Variants in CFAP300 observed in about 807,000 individuals in gnomAD.
CFAP300 encodes cilia- and flagella-associated protein 300.
In CFAP300, 32 loss-of-function variants were observed where a neutral mutation model predicts 33.0. That is an observed-to-expected ratio of 0.97 (90% CI 0.73 to 1.30). The LOEUF (loss-of-function observed/expected upper bound fraction) is 1.30, where lower values mean the gene tolerates loss of function less well. Ranked by LOEUF, CFAP300 falls within the 50% of genes most tolerant of loss-of-function variation. The pLI, the probability that CFAP300 is intolerant of heterozygous loss-of-function variation, is 0.00. For synonymous variants in CFAP300, 102 were observed against 106.8 expected (o/e 0.95, Z 0.28); for missense variants, 356 against 318.1 (o/e 1.12, Z -0.90).
At chr11:102,061,757 A>G (rs557949208) in intron 3 of CFAP300, among the ~76,000 whole-genome samples, 2 of 152,344 alleles carry the variant, frequency 1.3e-5, no homozygotes, top group East Asian at 3.9e-4. Flanking sequence ...TGCCTCTGTC[A>G]CTTCCACGTT....
chr11:102,063,452 A>T (rs921225173), intron 3 of CFAP300, among the ~76,000 whole-genome samples: 1 of 152,190 alleles, frequency 6.6e-6, no homozygotes, highest in African/African-American at 2.4e-5. Context: ...CTTAGCATGA[A>T]TCATACCTCA....
intron 4 of CFAP300, among the ~76,000 whole-genome samples, chr11:102,067,907 T>TA (rs1263283541): frequency 1.3e-5 from 2 of 152,114 alleles, no homozygotes; most frequent in Non-Finnish European, 2.9e-5. Context: ...ACCTTGTCTC[T>TA]AAAAAACAGA....
chr11:102,081,736 CA>C (rs1277912473), intron 6 of CFAP300, among the ~76,000 whole-genome samples: 2 of 151,914 alleles, frequency 1.3e-5, no homozygotes, highest in Non-Finnish European at 2.9e-5. Context: ...ACTAAAAATA[CA>C]AAAAATTAGC....
In CFAP300 at chr11:102,047,967, T is replaced by C. The variant is rs957526118; in HGVS notation, c.192+71T>C. 3.4e-6 allele frequency: 5 copies of C among 1,466,108 alleles called. No individual in the cohort carries two copies. The African/African-American group carries it at 7.0e-5, about 21-fold the overall frequency. The allele number at this position is 1,466,108 out of a possible 1,614,324, so 90.8% of individuals were successfully genotyped here. ...AAACTTCCCCCCAAGTTGGCATAGATTCTTGTGAACACGCTATTCCTTACT... is the reference window on the plus strand; with the variant it reads ...AAACTTCCCCCCAAGTTGGCATAGACTCTTGTGAACACGCTATTCCTTACT... On this transcript the variant is annotated intron_variant, in intron 2 of 6. Coordinates refer to ENST00000434758, the MANE Select transcript of CFAP300 (RefSeq NM_032930.3).
At chr11:102,067,061 T>A (rs1373013923) in intron 4 of CFAP300, among the ~76,000 whole-genome samples, 1 of 152,186 alleles carries the variant, frequency 6.6e-6, no homozygotes, top group Non-Finnish European at 1.5e-5. Flanking sequence ...ATCCCGGAGC[T>A]GGGCACAGTA....
chr11:102,052,399 G>A (rs960782939), intron 2 of CFAP300, among the ~76,000 whole-genome samples: 1 of 152,016 alleles, frequency 6.6e-6, no homozygotes, highest in Non-Finnish European at 1.5e-5. Context: ...AAATACTCGC[G>A]TGAATATTCT....
At position 102,083,176 on chromosome 11, in the gene CFAP300, T is replaced by C. The variant is rs774466904; in HGVS notation, c.781T>C (p.Tyr261His). The change falls in exon 7 of 7, where the codon TAT (tyrosine) becomes CAT (histidine). Residue 261 changes from tyrosine to histidine, a missense_variant. Physicochemically the swap from Tyr to His is moderately conservative, Grantham distance 83 (BLOSUM62 2). Coordinates refer to ENST00000434758, the MANE Select transcript of CFAP300 (RefSeq NM_032930.3). ...TCACCTTCATGTTTTATACCACTGT[T>C]ATGGTGTGGGAGACATGTCTTAATG... ...RRHLHVLYHCYGVGDMS is the reference protein window; with the variant it reads ...RRHLHVLYHCHGVGDMS The C allele has an allele frequency of 2.0e-6, 3 of 1,537,540 alleles. No homozygotes were observed. The highest frequency in any genetic ancestry group is 4.7e-5 in the East Asian group (2 of 42,262).
intron 5 of CFAP300, among the ~76,000 whole-genome samples, chr11:102,077,811 G>C (rs774783200): frequency 4.6e-5 from 7 of 152,240 alleles, no homozygotes; most frequent in Non-Finnish European, 7.3e-5. Context: ...CTGACCTCGG[G>C]TGATCTGCCC....
chr11:102,075,509 G>A (rs1313278713), intron 4 of CFAP300, among the ~76,000 whole-genome samples: 1 of 152,192 alleles, frequency 6.6e-6, no homozygotes, highest in Non-Finnish European at 1.5e-5. Context: ...CAAGACGGAG[G>A]CCTTATGGGA....
rs549559265 is a variant in CFAP300 at position 102,075,959 on chromosome 11, T to G, written c.522T>G (p.Leu174=). 3 of 1,613,984 alleles carry G rather than the reference T, an allele frequency of 1.9e-6. 1 individual carries two copies. The South Asian group carries it at 3.3e-5, about 18-fold the overall frequency. Reference sequence around the variant, plus strand: ...TCCTGTTTTGTCTTTTCAAACATCTTTGCCTTGGTGGAGCCCTTTGTCAAT... The same window carrying G: ...TCCTGTTTTGTCTTTTCAAACATCTGTGCCTTGGTGGAGCCCTTTGTCAAT... ...EEFLFCLFKH[L]CLGGALCQYE... is the part of the protein sequence containing the mutation. Residue 174 remains leucine (L), a synonymous_variant, in exon 5 of 7, where the codon CTT becomes CTG. Coordinates refer to ENST00000434758, the MANE Select transcript of CFAP300 (RefSeq NM_032930.3).
chr11:102,054,699 A>G (rs1942023275), intron 2 of CFAP300, among the ~76,000 whole-genome samples: 1 of 137,148 alleles, frequency 7.3e-6, no homozygotes, highest in South Asian at 2.4e-4. Flanking sequence ...ATTGCACTCC[A>G]GCCTGAATGA....
intron 6 of CFAP300, among the ~76,000 whole-genome samples, chr11:102,081,624 G>A (rs1054769476): frequency 7.9e-5 from 12 of 152,164 alleles, no homozygotes; most frequent in African/African-American, 2.9e-4. Flanking sequence ...CGCCGGGCCC[G>A]GTGGCTCACG....
At chr11:102,051,835 T>C (rs761604368) in intron 2 of CFAP300, among the ~76,000 whole-genome samples, 9 of 152,152 alleles carry the variant, frequency 5.9e-5, no homozygotes, top group South Asian at 4.1e-4. Flanking sequence ...AGGTGTGAGT[T>C]ATCACACCCA....
intron 2 of CFAP300, among the ~76,000 whole-genome samples, chr11:102,055,312 C>G (rs1020760036): frequency 6.7e-6 from 1 of 150,172 alleles, no homozygotes; most frequent in Non-Finnish European, 1.5e-5. Flanking sequence ...TTTCTTTATG[C>G]TCATATAAAT....
intron 4 of CFAP300, among the ~76,000 whole-genome samples, chr11:102,067,673 T>C (rs1166453068): frequency 6.6e-6 from 1 of 152,170 alleles, no homozygotes; most frequent in Non-Finnish European, 1.5e-5. Context: ...TACATGTACC[T>C]TTTAGAAATA....
intron 4 of CFAP300, among the ~76,000 whole-genome samples, chr11:102,069,246 T>C (rs376442165): frequency 1.3e-5 from 2 of 152,214 alleles, no homozygotes; most frequent in African/African-American, 2.4e-5. Context: ...GGTTGCTTTC[T>C]GGCTGATAAA....
At chr11:102,058,727 A>G (rs1352120524) in intron 2 of CFAP300, among the ~76,000 whole-genome samples, 153 bp from the exon 3 acceptor site, 1 of 151,866 alleles carries the variant, frequency 6.6e-6, no homozygotes, top group African/African-American at 2.4e-5. Flanking sequence ...ATAAAACTTC[A>G]TTTATTTATA....
intron 4 of CFAP300, among the ~76,000 whole-genome samples, chr11:102,067,580 A>G (rs569771531): frequency 8.7e-4 from 132 of 152,352 alleles, no homozygotes; most frequent in African/African-American, 2.6e-3. Flanking sequence ...TTTGAGCCTC[A>G]AGATCTTATC....
intron 4 of CFAP300, among the ~76,000 whole-genome samples, chr11:102,072,133 G>C (rs897168154): frequency 4.0e-5 from 6 of 150,800 alleles, no homozygotes; most frequent in African/African-American, 1.5e-4. Context: ...AACTGTGTTT[G>C]CTTTATGGTA....
Sources: allele counts gnomAD v4.1 joint callset (sites outside exome capture counted in the v4.1 genomes callset), GRCh38; gene constraint gnomAD v4.1.1; transcripts MANE v1.5; gene names NCBI Gene and HGNC (gene_info 2026-07-23, HGNC 2026-07-21).